Variants in DOCK10 observed in about 807,000 individuals in gnomAD.
DOCK10 encodes dedicator of cytokinesis 10.
In DOCK10, 145 loss-of-function variants were observed where a neutral mutation model predicts 280.1. The observed-to-expected ratio is 0.52, with a 90% CI of 0.45 to 0.59. The LOEUF is 0.59. Among genes scored for constraint, DOCK10 ranks in the 20% least tolerant of loss-of-function variants. The pLI, the probability that DOCK10 is intolerant of heterozygous loss-of-function variation, is 0.00. For missense variants in DOCK10, 2,368 were observed against 2,651.7 expected, an observed-to-expected ratio of 0.89 and a Z score of 2.35; for synonymous variants, 915 against 942.2, an observed-to-expected ratio of 0.97 and a Z score of 0.53.
chr2:224,834,756 T>C (rs561835829), intron 25 of DOCK10, among the ~76,000 whole-genome samples: 22 of 152,312 alleles, frequency 1.4e-4, no homozygotes, highest in African/African-American at 3.6e-4. Flanking sequence ...TTCATGAACA[T>C]TGGCCATCAG....
chr2:224,851,226 TG>T (rs2125537736), intron 18 of DOCK10, among the ~76,000 whole-genome samples: 1 of 152,288 alleles, frequency 6.6e-6, no homozygotes, highest in Admixed American at 6.5e-5. Context: ...TATCTCTGTG[TG>T]GTATTTTAGA....
At chr2:224,793,287 G>A (rs1430229452) in intron 46 of DOCK10, 113 bp downstream of exon 46, 4 of 905,046 alleles carry the variant, frequency 4.4e-6, no homozygotes, top group Admixed American at 2.6e-5. Context: ...CTGTGAAAGC[G>A]ATTATTACTT....
At chr2:224,886,438 C>T (rs146449520) in intron 5 of DOCK10, 21 bp downstream of exon 5, 2 of 1,595,446 alleles carry the variant, frequency 1.3e-6, no homozygotes, top group Non-Finnish European at 1.7e-6. Flanking sequence ...TTAAACATCT[C>T]ACTTTCAACT....
intron 50 of DOCK10, among the ~76,000 whole-genome samples, chr2:224,783,870 C>T (rs1691540568): frequency 6.6e-6 from 1 of 152,042 alleles, no homozygotes; most frequent in Non-Finnish European, 1.5e-5. Context: ...AAAGTATGTA[C>T]TGGTCAGACA....
At chr2:224,835,341 A>T (rs1052385744) in intron 25 of DOCK10, among the ~76,000 whole-genome samples, 1 of 152,238 alleles carries the variant, frequency 6.6e-6, no homozygotes, top group Non-Finnish European at 1.5e-5. Flanking sequence ...TTATTTTAAA[A>T]TTTTGACTGT....
intron 1 of DOCK10, among the ~76,000 whole-genome samples, chr2:224,932,689 C>T (rs992682739): frequency 1.3e-5 from 2 of 152,128 alleles, no homozygotes; most frequent in African/African-American, 2.4e-5. Context: ...ACGTAAGTGA[C>T]ATCAACAGAT....
chr2:224,795,078 G>A lies in DOCK10; in HGVS notation c.4955C>T (p.Ala1652Val), dbSNP rs1343499441. Residue 1652 changes from alanine to valine, a missense_variant, in exon 45 of 56, where the codon GCA (alanine) becomes GTA (valine). This residue lies in a region of DOCK10 where 1,159 missense variants were observed against 1,400.8 expected (regional missense o/e 0.83). Coordinates refer to ENST00000258390, the MANE Select transcript of DOCK10 (RefSeq NM_014689.3). ...DKQMKNSNFP[A>V]EVKDLTKRIR... ...ACGCTTAGTCAGGTCCTTCACCTCTGCTGGGAAATTGCTGTTCTTTGGAAA... is the reference window on the plus strand; with the variant it reads ...ACGCTTAGTCAGGTCCTTCACCTCTACTGGGAAATTGCTGTTCTTTGGAAA... The A allele has an allele frequency of 6.2e-7, 1 of 1,613,824 alleles. No homozygotes were observed. The highest frequency in any genetic ancestry group is 8.5e-7 in the Non-Finnish European group (1 of 1,179,786).
intron 1 of DOCK10, among the ~76,000 whole-genome samples, chr2:224,949,823 A>G (rs1438835965): frequency 6.6e-6 from 1 of 152,252 alleles, no homozygotes; most frequent in Non-Finnish European, 1.5e-5. Context: ...AAATAAAATG[A>G]CATCTTAAAA....
Position 225,014,081 on chromosome 2 carries a change from A to ATATATTTTT in DOCK10, c.123+28170_123+28171insAAAAATATA, listed in dbSNP as rs776104946. On this transcript the variant is annotated intron_variant, in intron 1 of 55. Coordinates refer to ENST00000258390, the MANE Select transcript of DOCK10 (RefSeq NM_014689.3). ...AAAAAATCCCCAGAAGTCTGAATAT[A>ATATATTTTT]TTGTTTTTTTTTTTTTGTTTTTTTT... Among the ~76,000 whole-genome samples, 101 of 96,806 alleles carry ATATATTTTT rather than the reference A, an allele frequency of 1.0e-3. 2 individuals are homozygous for ATATATTTTT. Among genetic ancestry groups the ATATATTTTT allele is most frequent in the Middle Eastern group, 0.014 (2 of 148 alleles). The allele number at this position is 96,806 out of a possible 152,430, so 63.5% of individuals were successfully genotyped here. A position where few individuals can be genotyped will look rare whatever the true frequency, so the allele number is the denominator to read the frequency against.
chr2:224,813,782 C>A (rs1310141194), intron 31 of DOCK10, among the ~76,000 whole-genome samples: 1 of 152,288 alleles, frequency 6.6e-6, no homozygotes, highest in African/African-American at 2.4e-5. Context: ...AATCACAGGG[C>A]TTCAGGCTAA....
Position 224,770,582 on chromosome 2 carries a change from G to C in DOCK10, c.6268C>G (p.Pro2090Ala), listed in dbSNP as rs766175724. 4.9e-5 allele frequency: 79 copies of C among 1,613,838 alleles called. No homozygotes were observed. Among genetic ancestry groups the C allele is most frequent in the East Asian group, 1.1e-4 (5 of 44,894 alleles). Reference sequence around the variant, plus strand: ...TTCAAAAGCTTTACTTGGTTGTCAGGGTACTTCTTTGCATTGGTTTCTTCA... The same window carrying C: ...TTCAAAAGCTTTACTTGGTTGTCAGCGTACTTCTTTGCATTGGTTTCTTCA... ...FLEETNAKKY[P>A]DNQVKLLKEI... Residue 2090 changes from proline (P) to alanine (A), a missense_variant, in exon 54 of 56, where the codon CCT (proline) becomes GCT (alanine). Physicochemically the swap from Pro to Ala is conservative, Grantham distance 27. This residue lies in a region of DOCK10 where 1,159 missense variants were observed against 1,400.8 expected (regional missense o/e 0.83). Transcript: ENST00000258390. This position sits in a 1 kb window ranked among gnomAD's most constrained non-coding sequence, Gnocchi z 4.5.
intron 1 of DOCK10, among the ~76,000 whole-genome samples, chr2:224,996,030 T>C (rs1706264348): frequency 6.6e-6 from 1 of 152,236 alleles, no homozygotes; most frequent in South Asian, 2.1e-4. Context: ...AACTAGTAAG[T>C]TATCCAAAAT....
intron 11 of DOCK10, 150 bp from the exon 12 acceptor site, chr2:224,865,237 G>A: frequency 1.4e-6 from 1 of 691,598 alleles, no homozygotes; most frequent in South Asian, 1.9e-5. Context: ...CTGTCCTCCA[G>A]CAAGTGCCTT....
chr2:224,788,256 C>T (rs147881935), intron 48 of DOCK10, among the ~76,000 whole-genome samples: 268 of 152,048 alleles, frequency 1.8e-3, no homozygotes, highest in Middle Eastern at 0.014. Flanking sequence ...TTTTCCCAGC[C>T]CTTACCTCAA....
rs747409632 is a variant in DOCK10 at position 224,823,655 on chromosome 2, A to G, written c.3037-8T>C. On this transcript the variant is annotated splice_polypyrimidine_tract_variant and splice_region_variant and intron_variant, in intron 27 of 55. Coordinates refer to ENST00000258390, the MANE Select transcript of DOCK10 (RefSeq NM_014689.3). ...TCTCTGAGGCCGGGGAAGCTAAGGA[A>G]AGAACGGATTATATCTTTCTAATGT... 1.3e-6 allele frequency: 2 copies of G among 1,587,404 alleles called. No individual in the cohort carries two copies. The highest frequency in any genetic ancestry group is 1.7e-6 in the Non-Finnish European group (2 of 1,170,834).
rs146257716 is a variant in DOCK10, at chr2:224,859,408, T to A, written c.1686-2426A>T. Among the ~76,000 whole-genome samples the A allele has an allele frequency of 4.3e-3, 656 of 152,200 alleles. 3 individuals are homozygous for A. Among genetic ancestry groups the A allele is most frequent in the African/African-American group, 0.015 (608 of 41,522 alleles). Reference sequence around the variant, plus strand: ...GAGATCCATTCACAACCTGACACATTTGGAAGGGTCAATTTTCTCCCGAGT... The same window carrying A: ...GAGATCCATTCACAACCTGACACATATGGAAGGGTCAATTTTCTCCCGAGT... On this transcript the variant is annotated intron_variant, in intron 14 of 55. Transcript: ENST00000258390.
chr2:225,040,671 T>A (rs1191771706), intron 1 of DOCK10, among the ~76,000 whole-genome samples: 1 of 152,134 alleles, frequency 6.6e-6, no homozygotes, highest in African/African-American at 2.4e-5. Context: ...GAACGCTGTG[T>A]GTTTCCATCA....
intron 1 of DOCK10, among the ~76,000 whole-genome samples, chr2:225,011,624 A>G (rs1689442465): frequency 6.6e-6 from 1 of 152,228 alleles, no homozygotes; most frequent in African/African-American, 2.4e-5. Flanking sequence ...ATTTTTAAAC[A>G]GTAAAGACTC....
intron 1 of DOCK10, among the ~76,000 whole-genome samples, chr2:225,008,894 T>C (rs1054251810): frequency 2.0e-5 from 3 of 152,238 alleles, no homozygotes; most frequent in Admixed American, 6.5e-5. Flanking sequence ...GCCACAGTTA[T>C]GTTAAACAAG....
Sources: allele counts gnomAD v4.1 joint callset (sites outside exome capture counted in the v4.1 genomes callset), GRCh38; gene constraint gnomAD v4.1.1; regional missense constraint gnomAD v4.1.1; non-coding constraint Gnocchi (gnomAD v3.1); transcripts MANE v1.5; gene names NCBI Gene and HGNC (gene_info 2026-07-23, HGNC 2026-07-21).